Variants in TIAM1 observed in about 807,000 individuals in gnomAD.
The protein encoded by TIAM1 is TIAM Rac1 associated GEF 1.
Under a neutral mutation model 163.5 loss-of-function variants are expected in TIAM1, and 65 were observed. The observed-to-expected ratio is 0.40, with a 90% confidence interval of 0.33 to 0.49. TIAM1 has a LOEUF of 0.49. Ranked by LOEUF, TIAM1 falls within the 20% of genes least tolerant of loss-of-function variation. TIAM1 has a pLI of 0.77. For synonymous variants in TIAM1, 833 were observed against 810.1 expected, an observed-to-expected ratio of 1.03 and a Z score of -0.48; for missense variants, 1,789 against 2,044.7, an observed-to-expected ratio of 0.87 and a Z score of 2.41.
chr21:31,200,867 T>A (rs576307323), intron 12 of TIAM1, among the ~76,000 whole-genome samples: 1 of 152,292 alleles, frequency 6.6e-6, no homozygotes, highest in African/African-American at 2.4e-5. Flanking sequence ...GGCATTTGCA[T>A]CCTTACAGAT....
chr21:31,156,524 ATAAAC>A (rs1285227729), intron 16 of TIAM1, among the ~76,000 whole-genome samples: 1 of 152,248 alleles, frequency 6.6e-6, no homozygotes, highest in Admixed American at 6.5e-5. Context: ...TTCAGTAGAA[ATAAAC>A]TAAACAATTT....
Position 31,125,221 on chromosome 21 carries a change from TAA to T in TIAM1, c.4134-529_4134-528del, listed in dbSNP as rs397866589. Among the ~76,000 whole-genome samples, 1,027 of 137,670 alleles carry T rather than the reference TAA, an allele frequency of 7.5e-3. 7 individuals are homozygous for T. Among genetic ancestry groups the T allele is most frequent in the Non-Finnish European group, 0.011 (696 of 63,434 alleles). 90.3% of individuals were successfully genotyped at this position (137,670 alleles called of 152,430 possible). ...CTTCCCAAGTCCTAATTCTCATGGT[TAA>T]AAAAAAAAAAAAAAAGTGCTTCCTA... On this transcript the variant is annotated intron_variant, in intron 26 of 27. Transcript: ENST00000541036.
chr21:31,336,092 G>A (rs978846821), intron 2 of TIAM1, among the ~76,000 whole-genome samples: 6 of 152,150 alleles, frequency 3.9e-5, no homozygotes, highest in African/African-American at 1.4e-4. Context: ...CAATGTCGGG[G>A]GCGCACCCAG....
At chr21:31,189,925 T>C (rs2085474044) in intron 13 of TIAM1, among the ~76,000 whole-genome samples, 1 of 152,168 alleles carries the variant, frequency 6.6e-6, no homozygotes, top group South Asian at 2.1e-4. Context: ...GACAGCAATG[T>C]TCTAACTCTC....
intron 1 of TIAM1, chr21:31,558,872 TCTCCCGG>T (rs1329601836): frequency 6.6e-6 from 1 of 151,832 alleles, no homozygotes; most frequent in Non-Finnish European, 1.5e-5. Flanking sequence ...CTCGCCGCCG[TCTCCCGG>T]GGCGGCTCCG....
At chr21:31,484,536 G>A (rs1557279) in intron 1 of TIAM1, among the ~76,000 whole-genome samples, 127,265 of 152,230 alleles carry the variant, frequency 0.84, 53,716 homozygotes, top group African/African-American at 0.93. Flanking sequence ...ACACACAAAG[G>A]AAGGACTGAG....
At chr21:31,249,809 C>T (rs1018662002) in intron 5 of TIAM1, among the ~76,000 whole-genome samples, 3 of 152,104 alleles carry the variant, frequency 2.0e-5, no homozygotes, top group Non-Finnish European at 2.9e-5. Context: ...TGCTTCCACA[C>T]GATGCACATC....
rs766909001 is a variant in TIAM1 at position 31,268,241 on chromosome 21, A to C, written c.-11-1258T>G. Among the ~76,000 whole-genome samples the C allele has an allele frequency of 3.3e-5, 5 of 152,210 alleles. 1 individual carries two copies. In the South Asian group the frequency reaches 8.3e-4, roughly 25 times the overall value. Reference sequence around the variant, plus strand: ...AGCCAGAGATACAGCAGTGAACAAAAGGGACACATCCCCTACTCTCATGAA... The same window carrying C: ...AGCCAGAGATACAGCAGTGAACAAACGGGACACATCCCCTACTCTCATGAA... On this transcript the variant is annotated intron_variant, in intron 3 of 27. Coordinates refer to ENST00000541036, the MANE Select transcript of TIAM1 (RefSeq NM_001353694.2).
intron 2 of TIAM1, among the ~76,000 whole-genome samples, chr21:31,380,071 T>G (rs996913363): frequency 2.6e-5 from 4 of 152,156 alleles, no homozygotes; most frequent in Non-Finnish European, 5.9e-5. Flanking sequence ...AAGATCAGCA[T>G]GACCAACATG....
chr21:31,319,761 C>T (rs2075249765), intron 2 of TIAM1, among the ~76,000 whole-genome samples: 1 of 123,050 alleles, frequency 8.1e-6, no homozygotes, highest in Non-Finnish European at 1.6e-5. Flanking sequence ...GCCTGGGTGA[C>T]AGAGTGAGAC....
At chr21:31,396,427 G>A (rs2077070359) in intron 2 of TIAM1, among the ~76,000 whole-genome samples, 1 of 151,980 alleles carries the variant, frequency 6.6e-6, no homozygotes, top group African/African-American at 2.4e-5. Flanking sequence ...AGTATCCACT[G>A]ACCACCCTGT....
chr21:31,147,976 T>A (rs936278312), intron 19 of TIAM1, among the ~76,000 whole-genome samples: 1 of 109,406 alleles, frequency 9.1e-6, no homozygotes, highest in Admixed American at 1.3e-4. Flanking sequence ...TAATGAACAA[T>A]GCAGAGGATT....
chr21:31,216,644 G>A (rs1315106819), intron 9 of TIAM1, among the ~76,000 whole-genome samples: 1 of 152,118 alleles, frequency 6.6e-6, no homozygotes, highest in African/African-American at 2.4e-5. Flanking sequence ...AATTTAATGG[G>A]CAAGAATTGG....
intron 1 of TIAM1, among the ~76,000 whole-genome samples, chr21:31,511,587 C>T (rs1241211358): frequency 6.6e-6 from 1 of 152,176 alleles, no homozygotes; most frequent in Non-Finnish European, 1.5e-5. Context: ...ATGCCTGGCA[C>T]CGAGTCCAAG....
intron 16 of TIAM1, among the ~76,000 whole-genome samples, chr21:31,164,246 A>T (rs1012328244): frequency 6.6e-6 from 1 of 152,070 alleles, no homozygotes; most frequent in Non-Finnish European, 1.5e-5. Context: ...AAAAATTAGC[A>T]GGGCGTGGTG....
chr21:31,472,651 A>G lies in TIAM1; in HGVS notation c.-421-8616T>C, dbSNP rs74789324. 2.2e-3 allele frequency among the ~76,000 whole-genome samples: 342 copies of G among 152,334 alleles called. 1 individual carries two copies. Among genetic ancestry groups the G allele is most frequent in the African/African-American group, 7.5e-3 (311 of 41,584 alleles). On this transcript the variant is annotated intron_variant, in intron 1 of 28. Coordinates refer to the TIAM1 transcript ENST00000286827. ...ATTAACAAAGAGGCCTCTGTGCTCCAGATACTGGCACCACCAGCCCATGAG... is the reference window on the plus strand; with the variant it reads ...ATTAACAAAGAGGCCTCTGTGCTCCGGATACTGGCACCACCAGCCCATGAG...
intron 6 of TIAM1, among the ~76,000 whole-genome samples, chr21:31,231,741 CGGAATGGTT>C (rs1183615028): frequency 6.6e-6 from 1 of 152,006 alleles, no homozygotes; most frequent in African/African-American, 2.4e-5. Context: ...ATGGGCCAGG[CGGAATGGTT>C]CATGCCTGTA....
chr21:31,347,716 G>A (rs1470826372), upstream of TIAM1, among the ~76,000 whole-genome samples: 3 of 152,048 alleles, frequency 2.0e-5, no homozygotes, highest in Non-Finnish European at 4.4e-5. Context: ...ACACATCACC[G>A]CAAAAGAAAA....
intron 4 of TIAM1, among the ~76,000 whole-genome samples, chr21:31,260,542 A>G (rs961884948): frequency 1.3e-5 from 2 of 152,050 alleles, no homozygotes; most frequent in Non-Finnish European, 1.5e-5. Flanking sequence ...AATGGCTAAC[A>G]TAAGCTATCT....
Sources: allele counts gnomAD v4.1 joint callset (sites outside exome capture counted in the v4.1 genomes callset), GRCh38; gene constraint gnomAD v4.1.1; transcripts MANE v1.5; gene names NCBI Gene and HGNC (gene_info 2026-07-23, HGNC 2026-07-21).